Variants in PLCH1 observed in about 807,000 individuals in gnomAD.
The protein encoded by PLCH1 is phospholipase C eta 1.
PLCH1 carries 60 observed loss-of-function variants against 126.7 expected under a neutral mutation model. The ratio of observed to expected loss-of-function variants is 0.47; its 90% CI spans 0.38 to 0.59. The LOEUF is 0.59. PLCH1 is among the 20% of genes least tolerant of loss of function. PLCH1 has a pLI of 0.00. For missense variants in PLCH1, 1,723 were observed against 2,040.0 expected, an observed-to-expected ratio of 0.84 and a Z score of 2.99; for synonymous variants, 719 against 734.9, an observed-to-expected ratio of 0.98 and a Z score of 0.35.
chr3:155,529,446 G>T (rs549230286), intron 10 of PLCH1, among the ~76,000 whole-genome samples: 40 of 151,944 alleles, frequency 2.6e-4, no homozygotes, highest in South Asian at 4.2e-4. Context: ...ATTATTATGA[G>T]TGTGGTTTCA....
intron 1 of PLCH1, among the ~76,000 whole-genome samples, chr3:155,708,306 G>GAGCT (rs1256473283): frequency 6.6e-6 from 1 of 152,224 alleles, no homozygotes; most frequent in African/African-American, 2.4e-5. Context: ...CAAGGGAAGA[G>GAGCT]AGCTGTGCGA....
chr3:155,724,043 G>A (rs1447018010), intron 1 of PLCH1, among the ~76,000 whole-genome samples: 1 of 150,866 alleles, frequency 6.6e-6, no homozygotes, highest in Admixed American at 6.6e-5. Context: ...CCATGTATTT[G>A]CATGGTTTTG....
chr3:155,580,098 TATC>T (rs1295562768), intron 6 of PLCH1, among the ~76,000 whole-genome samples: 1 of 152,234 alleles, frequency 6.6e-6, no homozygotes, highest in Non-Finnish European at 1.5e-5. Context: ...AACATTAACT[TATC>T]ATTCTATAGC....
In PLCH1 at chr3:155,717,439, C is replaced by T. The variant is rs934541796; in HGVS notation, c.-40-13175G>A. ...CTCTGTGAGGGCTCTGTCCCTGCAGCAGGCTTCTGCCTGGGCATCCAGACT... is the reference window on the plus strand; with the variant it reads ...CTCTGTGAGGGCTCTGTCCCTGCAGTAGGCTTCTGCCTGGGCATCCAGACT... On this transcript the variant is annotated intron_variant, in intron 1 of 22. Transcript: ENST00000460012. 5.3e-5 allele frequency among the ~76,000 whole-genome samples: 8 copies of T among 152,374 alleles called. No homozygotes were observed. In the East Asian group the frequency reaches 1.5e-3, roughly 29 times the overall value.
intron 10 of PLCH1, among the ~76,000 whole-genome samples, chr3:155,541,289 T>C (rs1330864060): frequency 1.3e-5 from 2 of 152,132 alleles, no homozygotes; most frequent in Non-Finnish European, 2.9e-5. Context: ...ACAGTGTACA[T>C]TGCTGAGGTG....
rs927929260 is a variant in PLCH1, at chr3:155,715,886, G to A, written c.-40-11622C>T. On this transcript the variant is annotated intron_variant, in intron 1 of 22. Transcript: ENST00000460012. Reference sequence around the variant, plus strand: ...CCCAAACTGCCAGGATTATAGGCCTGAGCCACTGCACTTAGCCTTCCATTT... The same window carrying A: ...CCCAAACTGCCAGGATTATAGGCCTAAGCCACTGCACTTAGCCTTCCATTT... Among the ~76,000 whole-genome samples, 11 of 152,244 alleles carry A rather than the reference G, an allele frequency of 7.2e-5. No homozygotes were observed. The East Asian group carries it at 2.1e-3, about 29-fold the overall frequency.
intron 20 of PLCH1, 82 bp from the exon 21 acceptor site, chr3:155,488,189 G>T: frequency 2.6e-6 from 2 of 774,320 alleles, no homozygotes; most frequent in Non-Finnish European, 2.2e-6. Flanking sequence ...TTAAGTATCT[G>T]ACTTGACTGT....
intron 21 of PLCH1, among the ~76,000 whole-genome samples, chr3:155,486,672 C>T (rs1368792090): frequency 2.6e-5 from 4 of 151,498 alleles, no homozygotes; most frequent in Admixed American, 2.0e-4. Flanking sequence ...CTACAGGCGC[C>T]GGCCACCGCG....
At position 155,537,198 on chromosome 3, in the gene PLCH1, A is replaced by C. The variant is rs1560128040; in HGVS notation, c.1362+12589T>G. Among the ~76,000 whole-genome samples, 68 of 128,046 alleles carry C rather than the reference A, an allele frequency of 5.3e-4. 2 individuals are homozygous for C. Among genetic ancestry groups the C allele is most frequent in the Non-Finnish European group, 4.4e-4 (28 of 63,712 alleles). The allele number at this position is 128,046 out of a possible 152,430, so 84.0% of individuals were successfully genotyped here. A position where few individuals can be genotyped will look rare whatever the true frequency, so the allele number is the denominator to read the frequency against. ...CAAGCTAGCACTACAAAAAAAAAAA[A>C]AACCAAAAAAAAAAAAAAAAAAAAA... On this transcript the variant is annotated intron_variant, in intron 10 of 22. Coordinates refer to ENST00000460012, the MANE Select transcript of PLCH1 (RefSeq NM_014996.4).
At chr3:155,543,352 GA>G (rs1399860026) in intron 10 of PLCH1, among the ~76,000 whole-genome samples, 1 of 152,178 alleles carries the variant, frequency 6.6e-6, no homozygotes, top group Non-Finnish European at 1.5e-5. Context: ...AGAATAAAAA[GA>G]AATGAACAAA....
intron 2 of PLCH1, among the ~76,000 whole-genome samples, chr3:155,628,259 C>G (rs1024626668): frequency 1.3e-5 from 2 of 151,520 alleles, no homozygotes; most frequent in Non-Finnish European, 2.9e-5. Context: ...ACCTCTCCCA[C>G]CCTTCTCCCC....
intron 2 of PLCH1, among the ~76,000 whole-genome samples, chr3:155,680,023 A>G (rs1337430060): frequency 6.6e-6 from 1 of 152,228 alleles, no homozygotes; most frequent in Admixed American, 6.5e-5. Context: ...ATATTCCCAC[A>G]CAATGCCAGA....
At chr3:155,619,751 T>C (rs1736232998) in intron 2 of PLCH1, among the ~76,000 whole-genome samples, 1 of 152,102 alleles carries the variant, frequency 6.6e-6, no homozygotes, top group African/African-American at 2.4e-5. Flanking sequence ...CCTGCTATGC[T>C]GAAGCAGGCC....
intron 10 of PLCH1, among the ~76,000 whole-genome samples, chr3:155,530,973 G>A (rs1045403152): frequency 8.5e-5 from 13 of 152,316 alleles, no homozygotes; most frequent in African/African-American, 3.1e-4. Flanking sequence ...GTTCTTGGGT[G>A]ACCAGGTGCA....
intron 2 of PLCH1, among the ~76,000 whole-genome samples, chr3:155,646,218 G>A (rs1226084736): frequency 6.6e-6 from 1 of 152,210 alleles, no homozygotes; most frequent in Non-Finnish European, 1.5e-5. Flanking sequence ...AAAATAAAAA[G>A]AAATGGTTAT....
At chr3:155,606,369 C>A (rs1336623379) in intron 2 of PLCH1, among the ~76,000 whole-genome samples, 1 of 152,216 alleles carries the variant, frequency 6.6e-6, no homozygotes, top group Non-Finnish European at 1.5e-5. Context: ...ATGGACAGAT[C>A]TGCTCAAAAT....
At chr3:155,479,341 C>T (rs1214966377), downstream of PLCH1, among the ~76,000 whole-genome samples, 1 of 152,038 alleles carries the variant, frequency 6.6e-6, no homozygotes, top group Non-Finnish European at 1.5e-5. Flanking sequence ...GGTCACTTAC[C>T]CTTTCATCAT....
intron 2 of PLCH1, among the ~76,000 whole-genome samples, chr3:155,633,720 G>A (rs757377034): frequency 1.1e-4 from 16 of 152,114 alleles, no homozygotes; most frequent in African/African-American, 3.1e-4. Context: ...CCGGGAGTTC[G>A]AGATCAGCCT....
chr3:155,519,640 C>T (rs1253113915), intron 11 of PLCH1, among the ~76,000 whole-genome samples: 1 of 151,618 alleles, frequency 6.6e-6, no homozygotes, highest in African/African-American at 2.4e-5. Flanking sequence ...CAGGCCATGC[C>T]CCAGACCCAT....
Sources: allele counts gnomAD v4.1 joint callset (sites outside exome capture counted in the v4.1 genomes callset), GRCh38; gene constraint gnomAD v4.1.1; transcripts MANE v1.5; gene names NCBI Gene and HGNC (gene_info 2026-07-23, HGNC 2026-07-21).